Variants in ENPP1 observed in about 807,000 individuals in gnomAD.
The protein encoded by ENPP1 is ectonucleotide pyrophosphatase/phosphodiesterase family member 1.
A neutral mutation model predicts 122.8 loss-of-function variants in ENPP1; 73 were observed. The ratio of observed to expected loss-of-function variants is 0.59; its 90% CI spans 0.49 to 0.72. The LOEUF is 0.72. Ranked by LOEUF, ENPP1 falls within the 30% of genes least tolerant of loss-of-function variation. ENPP1 has a pLI of 0.00. For missense variants in ENPP1, 978 were observed against 1,128.1 expected, an observed-to-expected ratio of 0.87 and a Z score of 1.91; for synonymous variants, 367 against 391.6, an observed-to-expected ratio of 0.94 and a Z score of 0.74.
chr6:131,872,787 A>C (rs1470258763), intron 14 of ENPP1, 136 bp from the exon 15 acceptor site: 2 of 857,164 alleles, frequency 2.3e-6, no homozygotes, highest in Non-Finnish European at 3.6e-6. Flanking sequence ...GTTAGAAAGC[A>C]ATTTCAAGAA....
At chr6:131,841,610 C>T (rs1362977577) in intron 1 of ENPP1, among the ~76,000 whole-genome samples, 1 of 152,214 alleles carries the variant, frequency 6.6e-6, no homozygotes, top group Non-Finnish European at 1.5e-5. Context: ...AATTAAATCA[C>T]AGCTTGCTGA....
At chr6:131,816,471 T>C (rs1267772012) in intron 1 of ENPP1, among the ~76,000 whole-genome samples, 1 of 152,224 alleles carries the variant, frequency 6.6e-6, no homozygotes, top group Admixed American at 6.5e-5. Flanking sequence ...CAAAACCTGA[T>C]ACTCAGAATT....
intron 14 of ENPP1, 91 bp from the exon 15 acceptor site, chr6:131,872,832 C>A (rs1027112292): frequency 2.1e-5 from 27 of 1,255,884 alleles, no homozygotes; most frequent in Non-Finnish European, 2.7e-5. Context: ...AGGGAAATAT[C>A]TTTCCCTAAT....
At chr6:131,826,377 G>T in intron 1 of ENPP1, 1 of 1,054,768 alleles carries the variant, frequency 9.5e-7, no homozygotes, top group South Asian at 1.4e-5. Flanking sequence ...AAAGCTGCTA[G>T]GGCAGATTCT....
chr6:131,880,280 T>G (rs1034270192), intron 20 of ENPP1, among the ~76,000 whole-genome samples: 4 of 152,088 alleles, frequency 2.6e-5, no homozygotes, highest in Non-Finnish European at 5.9e-5. Flanking sequence ...GATTCTCTTT[T>G]GGGCTGTGCG....
chr6:131,827,821 A>AT, intron 1 of ENPP1: 1 of 1,149,550 alleles, frequency 8.7e-7, no homozygotes, highest in African/African-American at 1.5e-5. Flanking sequence ...TCTGGAATCT[A>AT]TGTCAGTTGA....
chr6:131,845,253 T>C (rs905635500), intron 1 of ENPP1, among the ~76,000 whole-genome samples: 1 of 151,202 alleles, frequency 6.6e-6, no homozygotes, highest in Non-Finnish European at 1.5e-5. Context: ...GGCTGGTCTT[T>C]AACTCCTGAC....
chr6:131,845,449 TTG>T (rs1491300614), intron 1 of ENPP1, among the ~76,000 whole-genome samples: 12 of 50,850 alleles, frequency 2.4e-4, no homozygotes, highest in Non-Finnish European at 3.8e-4. Context: ...TTGTTTTGGC[TTG>T]TTTTTTTTTT....
intron 24 of ENPP1, among the ~76,000 whole-genome samples, chr6:131,887,904 A>G (rs1243699424): frequency 1.7e-5 from 2 of 114,886 alleles, no homozygotes; most frequent in African/African-American, 7.0e-5. Context: ...TCTGTCACCC[A>G]GGCTGGAAGG....
At chr6:131,845,457 T>TTG (rs1781796968) in intron 1 of ENPP1, among the ~76,000 whole-genome samples, 1 of 149,592 alleles carries the variant, frequency 6.7e-6, no homozygotes, top group African/African-American at 2.4e-5. Flanking sequence ...GCTTGTTTTT[T>TTG]TTTTTTTTTT....
At chr6:131,811,789 A>G (rs1781357754) in intron 1 of ENPP1, among the ~76,000 whole-genome samples, 1 of 152,172 alleles carries the variant, frequency 6.6e-6, no homozygotes, top group Non-Finnish European at 1.5e-5. Flanking sequence ...TAGTTCGCAT[A>G]TCTCAGACTG....
chr6:131,814,340 G>C (rs979346921), intron 1 of ENPP1, among the ~76,000 whole-genome samples: 2 of 152,054 alleles, frequency 1.3e-5, no homozygotes, highest in Admixed American at 6.6e-5. Flanking sequence ...CTGGTACCAA[G>C]CACTGATTTT....
At chr6:131,837,266 C>A (rs569985210) in intron 1 of ENPP1, among the ~76,000 whole-genome samples, 2 of 150,864 alleles carry the variant, frequency 1.3e-5, no homozygotes, top group African/African-American at 4.9e-5. Flanking sequence ...TGGCTCATGC[C>A]TGTAATCCCA....
At chr6:131,813,570 T>C (rs1440728739) in intron 1 of ENPP1, among the ~76,000 whole-genome samples, 3 of 152,144 alleles carry the variant, frequency 2.0e-5, no homozygotes, top group African/African-American at 7.2e-5. Flanking sequence ...CATGATGCTA[T>C]GTAGCAAAAT....
rs763251794 is a variant in ENPP1 at position 131,873,048 on chromosome 6, A to C, written c.1563A>C (p.Ala521=). The C allele has an allele frequency of 5.6e-6, 9 of 1,613,604 alleles. No homozygotes were observed. In the African/African-American group the frequency reaches 8.0e-5, roughly 14 times the overall value. ...TFYLDPQWQL[A]LNPSERKYCG... ...ATTTGGACCCTCAGTGGCAACTTGCATTGTAAGTTCTGACAGTCTCCCAGG... is the reference window on the plus strand; with the variant it reads ...ATTTGGACCCTCAGTGGCAACTTGCCTTGTAAGTTCTGACAGTCTCCCAGG... Residue 521 remains alanine (A), a splice_region_variant and synonymous_variant, in exon 15 of 25, where the codon GCA becomes GCC. Coordinates refer to ENST00000647893, the MANE Select transcript of ENPP1 (RefSeq NM_006208.3).
Position 131,864,604 on chromosome 6 carries a change from T to C in ENPP1, c.1091+33T>C, listed in dbSNP as rs747196025. The C allele has an allele frequency of 2.1e-6, 3 of 1,431,912 alleles. No homozygotes were observed. In the South Asian group the frequency reaches 3.5e-5, roughly 17 times the overall value. 88.7% of individuals were successfully genotyped at this position (1,431,912 alleles called of 1,614,324 possible). ...GGCAATTAATTTCTATTGTAAATAC[T>C]TCGTTTTGTAGAAATGATATACTAT... On this transcript the variant is annotated intron_variant, in intron 10 of 24. Coordinates refer to ENST00000647893, the MANE Select transcript of ENPP1 (RefSeq NM_006208.3).
rs1403331815 is a variant in ENPP1, at chr6:131,878,602, T to G, written c.1945+9T>G. The G allele has an allele frequency of 6.2e-7, 1 of 1,605,760 alleles. No individual in the cohort carries two copies. Among genetic ancestry groups the G allele is most frequent in the Admixed American group, 1.7e-5 (1 of 60,004 alleles). On this transcript the variant is annotated intron_variant, in intron 19 of 24. Transcript: ENST00000647893. The stretch of plus-strand genomic sequence containing the variant: ...TCTGACTGTGGCAGAAGGTAAGGCA[T>G]GCTACACACTCAAGCTCGGAATGTG...
intron 9 of ENPP1, among the ~76,000 whole-genome samples, chr6:131,864,167 C>T (rs1782059071): frequency 6.6e-6 from 1 of 152,128 alleles, no homozygotes; most frequent in Non-Finnish European, 1.5e-5. Flanking sequence ...GCTGAGTCAT[C>T]AGTGAGTGAG....
At chr6:131,845,043 GTTTTTTTT>G (rs142380855) in intron 1 of ENPP1, among the ~76,000 whole-genome samples, 28 of 84,986 alleles carry the variant, frequency 3.3e-4, no homozygotes, top group African/African-American at 1.3e-3. Context: ...ATTCTTCATG[GTTTTTTTT>G]TTTTTTTTTT....
Sources: gnomAD v4.1 joint callset for allele counts (sites outside exome capture counted in the v4.1 genomes callset) on GRCh38, gnomAD v4.1.1 for gene constraint, MANE v1.5 for transcripts, NCBI Gene and HGNC (gene_info 2026-07-23, HGNC 2026-07-21) for gene names.